The following ITGAL variants were observed in gnomAD, a reference collection of about 807,000 sequenced individuals.
ITGAL encodes integrin alpha-L.
Under a neutral mutation model 138.4 loss-of-function variants are expected in ITGAL, and 68 were observed. The observed-to-expected ratio is 0.49, with a 90% CI of 0.40 to 0.60. ITGAL has a LOEUF of 0.60. Ranked by LOEUF, ITGAL falls within the 20% of genes least tolerant of loss-of-function variation. The pLI is 0.00. For missense variants in ITGAL, 1,256 were observed against 1,478.6 expected (o/e 0.85, Z 2.47); for synonymous variants, 561 against 584.3 (o/e 0.96, Z 0.57).
chr16:30,521,267 C>T (rs1299664250), intron 30 of ITGAL, among the ~76,000 whole-genome samples: 5 of 151,550 alleles, frequency 3.3e-5, no homozygotes, highest in Admixed American at 2.0e-4. Flanking sequence ...ATTAGCCGGG[C>T]GTGGTGGCAG....
chr16:30,488,055 C>G (rs2050672811), intron 9 of ITGAL, among the ~76,000 whole-genome samples: 1 of 152,006 alleles, frequency 6.6e-6, no homozygotes, highest in African/African-American at 2.4e-5. Context: ...ATAAGCCAGG[C>G]ACGGTGGTGC....
chr16:30,508,199 C>T (rs1017941370), intron 21 of ITGAL, among the ~76,000 whole-genome samples: 59 of 147,586 alleles, frequency 4.0e-4, no homozygotes, highest in African/African-American at 1.4e-3. Context: ...TGGGCCACCA[C>T]GCCCGGCCTA....
rs369178508 is a variant in ITGAL at position 30,494,176 on chromosome 16, G to A, written c.1214-36G>A. On this transcript the variant is annotated intron_variant, in intron 11 of 30. Transcript: ENST00000356798. The surrounding 1 kb of genome is among the most constrained non-coding windows in gnomAD (Gnocchi z 4.2). ...CTGCTGGGTGTTCTTCCAGCATCCT[G>A]TGTTCCTAACTCCACACCCCACACA... The A allele has an allele frequency of 5.5e-5, 84 of 1,533,544 alleles. No homozygotes were observed. Among genetic ancestry groups the A allele is most frequent in the Non-Finnish European group, 7.0e-5 (79 of 1,126,934 alleles). 95.0% of individuals were successfully genotyped at this position (1,533,544 alleles called of 1,614,324 possible). A position where few individuals can be genotyped will look rare whatever the true frequency, so the allele number is the denominator to read the frequency against.
chr16:30,494,152 T>G lies in ITGAL; in HGVS notation c.1214-60T>G. 4 of 1,481,674 alleles carry G rather than the reference T, an allele frequency of 2.7e-6. No individual in the cohort carries two copies. Among genetic ancestry groups the G allele is most frequent in the Non-Finnish European group, 3.7e-6 (4 of 1,091,352 alleles). 91.8% of individuals were successfully genotyped at this position (1,481,674 alleles called of 1,614,324 possible). ...TTCCCTGGGGCCCCTGCCCCTCTCCTGCTGGGTGTTCTTCCAGCATCCTGT... is the reference window on the plus strand; with the variant it reads ...TTCCCTGGGGCCCCTGCCCCTCTCCGGCTGGGTGTTCTTCCAGCATCCTGT... On this transcript the variant is annotated intron_variant, in intron 11 of 30. Transcript: ENST00000356798. This position sits in a 1 kb window ranked among gnomAD's most constrained non-coding sequence, Gnocchi z 4.2.
intron 21 of ITGAL, among the ~76,000 whole-genome samples, chr16:30,509,035 G>A (rs537434859): frequency 1.3e-5 from 2 of 152,108 alleles, no homozygotes; most frequent in East Asian, 3.9e-4. Flanking sequence ...AAATTAGCTG[G>A]GTGTGGTAGC....
chr16:30,506,991 G>A (rs572104226), intron 21 of ITGAL, 135 bp downstream of exon 21: 48 of 942,516 alleles, frequency 5.1e-5, no homozygotes, highest in Non-Finnish European at 6.9e-5. Flanking sequence ...GTCATATCTG[G>A]GTTCCCAGCC....
At chr16:30,498,263 C>CA (rs762799726) in intron 15 of ITGAL, among the ~76,000 whole-genome samples, 2,164 of 118,048 alleles carry the variant, frequency 0.018, 67 homozygotes, top group African/African-American at 0.057. Flanking sequence ...AGGAGGATCT[C>CA]AAAAAAAAAA....
chr16:30,506,962 G>A (rs1338843581), intron 21 of ITGAL, 106 bp downstream of exon 21: 5 of 1,227,068 alleles, frequency 4.1e-6, no homozygotes, highest in East Asian at 2.4e-5. Context: ...GGCAGCTGCG[G>A]GTGGACAGGG....
intron 11 of ITGAL, among the ~76,000 whole-genome samples, chr16:30,489,665 G>A (rs779083936): frequency 1.8e-4 from 28 of 152,174 alleles, no homozygotes; most frequent in Non-Finnish European, 4.0e-4. Flanking sequence ...GCTGGTCCTA[G>A]TGGCTCATGC....
intron 2 of ITGAL, among the ~76,000 whole-genome samples, chr16:30,474,897 C>T (rs1273956181): frequency 2.5e-5 from 3 of 119,474 alleles, no homozygotes; most frequent in Non-Finnish European, 3.2e-5. Flanking sequence ...TCGCTCTTGT[C>T]GCCCAGGCTG....
At position 30,474,548 on chromosome 16, in the gene ITGAL, C is replaced by T; in HGVS notation, c.164+250C>T. The T allele has an allele frequency of 5.9e-6, 3 of 511,922 alleles. No individual in the cohort carries two copies. In the South Asian group the frequency reaches 6.5e-5, roughly 11 times the overall value. 31.7% of individuals were successfully genotyped at this position (511,922 alleles called of 1,614,324 possible). A position where few individuals can be genotyped will look rare whatever the true frequency, so the allele number is the denominator to read the frequency against. On this transcript the variant is annotated intron_variant, in intron 2 of 30. Coordinates refer to ENST00000356798, the MANE Select transcript of ITGAL (RefSeq NM_002209.3). ...AGGATCCCAGCCCCAAAACACTTCGCATTGCCCAGTAGGTTCCTGACACTC... is the reference window on the plus strand; with the variant it reads ...AGGATCCCAGCCCCAAAACACTTCGTATTGCCCAGTAGGTTCCTGACACTC...
At chr16:30,477,756 T>C (rs1484234223) in intron 4 of ITGAL, among the ~76,000 whole-genome samples, 3 of 149,226 alleles carry the variant, frequency 2.0e-5, no homozygotes, top group Admixed American at 6.7e-5. Context: ...CATGGTGGCG[T>C]GTGCCTGTAG....
chr16:30,486,733 TC>T (rs1292138417), intron 9 of ITGAL, among the ~76,000 whole-genome samples: 1 of 152,076 alleles, frequency 6.6e-6, no homozygotes, highest in Non-Finnish European at 1.5e-5. Flanking sequence ...GTAAGGGTCT[TC>T]CAGGCCCTCA....
At chr16:30,489,523 T>C (rs1416581700) in intron 11 of ITGAL, 137 bp downstream of exon 11, 11 of 776,396 alleles carry the variant, frequency 1.4e-5, no homozygotes, top group Admixed American at 2.6e-5. Flanking sequence ...GGCTATAACA[T>C]TCATAATTTA....
chr16:30,512,767 C>G (rs1597104944), intron 24 of ITGAL, among the ~76,000 whole-genome samples: 1 of 151,970 alleles, frequency 6.6e-6, no homozygotes, highest in African/African-American at 2.4e-5. Flanking sequence ...GTTGCACAAT[C>G]TCGGCTCACT....
rs188355020 is a variant in ITGAL at position 30,503,422 on chromosome 16, C to T, written c.2146-753C>T. ...CCAAGCTCTTAGGACAACTGTGCCA[C>T]CTTTTTAGTTTTCATTTTCTTTTTT... On this transcript the variant is annotated intron_variant, in intron 17 of 30. Transcript: ENST00000356798. 1.2e-3 allele frequency among the ~76,000 whole-genome samples: 179 copies of T among 148,926 alleles called. 1 individual carries two copies. Among genetic ancestry groups the T allele is most frequent in the African/African-American group, 3.9e-3 (160 of 40,646 alleles).
chr16:30,513,874 A>T, intron 25 of ITGAL, 28 bp downstream of exon 25: 1 of 1,511,688 alleles, frequency 6.6e-7, no homozygotes, highest in Non-Finnish European at 9.2e-7. Context: ...GAAGGTCCTT[A>T]TAGGTCACAC....
chr16:30,520,019 G>T (rs751983139), intron 30 of ITGAL, 52 bp downstream of exon 30: 10 of 1,358,776 alleles, frequency 7.4e-6, no homozygotes, highest in Non-Finnish European at 1.0e-5. Flanking sequence ...GGCTGGGGAA[G>T]GGGATCTGGT....
intron 23 of ITGAL, 43 bp downstream of exon 23, chr16:30,511,003 G>C (rs1291228897): frequency 1.2e-6 from 2 of 1,612,710 alleles, no homozygotes; most frequent in Non-Finnish European, 1.7e-6. Context: ...TCTCAGACCT[G>C]GCCAAGCCCT....
Sources: gnomAD v4.1 joint callset for allele counts (sites outside exome capture counted in the v4.1 genomes callset) on GRCh38, gnomAD v4.1.1 for gene constraint, Gnocchi (gnomAD v3.1) non-coding constraint, MANE v1.5 for transcripts, NCBI Gene and HGNC (gene_info 2026-07-23, HGNC 2026-07-21) for gene names.